FBXO34: variants seen among roughly 807,000 people sequenced by gnomAD.
FBXO34 encodes F-box protein 34.
Under a neutral mutation model 24.5 loss-of-function variants are expected in FBXO34, and 12 were observed. The ratio of observed to expected loss-of-function variants is 0.49; its 90% CI spans 0.31 to 0.79. The LOEUF (loss-of-function observed/expected upper bound fraction) is 0.79, where lower values mean the gene tolerates loss of function less well. FBXO34 is among the 30% of genes least tolerant of loss of function. The pLI, the probability that FBXO34 is intolerant of heterozygous loss-of-function variation, is 0.04. For missense variants in FBXO34, 823 were observed against 857.7 expected, an observed-to-expected ratio of 0.96 and a Z score of 0.51; for synonymous variants, 320 against 311.9, an observed-to-expected ratio of 1.03 and a Z score of -0.27.
intron 1 of FBXO34, chr14:55,298,779 G>T: frequency 6.3e-7 from 1 of 1,593,088 alleles, no homozygotes; most frequent in South Asian, 1.1e-5. Flanking sequence ...GCAGAGGCAC[G>T]GCACCAAAAA....
chr14:55,411,929 C>T, the FBXO34 span: 1 of 1,059,946 alleles, frequency 9.4e-7, no homozygotes, highest in Non-Finnish European at 1.3e-6. Context: ...CCGGCGAGCC[C>T]CCGGACCCCT....
intron 1 of FBXO34, among the ~76,000 whole-genome samples, chr14:55,344,240 G>T (rs1011664748): frequency 1.3e-5 from 2 of 152,016 alleles, no homozygotes; most frequent in Non-Finnish European, 2.9e-5. Context: ...CCTCACAGCA[G>T]GGTCACCAGG....
chr14:55,351,525 G>A lies in FBXO34; in HGVS notation c.1135G>A (p.Gly379Arg). 6.2e-7 allele frequency: 1 copy of A among 1,614,176 alleles called. No homozygotes were observed. Among genetic ancestry groups the A allele is most frequent in the Non-Finnish European group, 8.5e-7 (1 of 1,180,038 alleles). Residue 379 changes from glycine (G) to arginine (R), a missense_variant, in exon 2 of 2, where the codon GGA becomes AGA. Transcript: ENST00000313833. ...ASQDCPPLPA[G>R]VSFHIDSAEL... ...TCAGGACTGCCCCCCATTGCCAGCA[G>A]GAGTGAGTTTCCACATAGACAGTGC...
At chr14:55,330,029 C>T (rs1045201978) in intron 1 of FBXO34, among the ~76,000 whole-genome samples, 2 of 151,964 alleles carry the variant, frequency 1.3e-5, no homozygotes, top group African/African-American at 4.8e-5. Context: ...TAGATTTGTG[C>T]GTTTCTGTAA....
At chr14:55,364,374 T>TGA (rs1156933297), downstream of FBXO34, among the ~76,000 whole-genome samples, 1 of 152,234 alleles carries the variant, frequency 6.6e-6, no homozygotes, top group African/African-American at 2.4e-5. Flanking sequence ...AATAACTCTT[T>TGA]AGTTTACTAT....
At chr14:55,421,451 C>T in the FBXO34 span, among the ~76,000 whole-genome samples, 1 of 152,084 alleles carries the variant, frequency 6.6e-6, no homozygotes, top group South Asian at 2.1e-4. Context: ...TCCAAACAAG[C>T]TTTCCCCACT....
chr14:55,342,028 C>CTG (rs3085085), intron 1 of FBXO34, among the ~76,000 whole-genome samples: 58,569 of 151,924 alleles, frequency 0.39, 11,631 homozygotes, highest in Non-Finnish European at 0.42. Flanking sequence ...TACTGTCAAA[C>CTG]TATTAGGTGT....
At chr14:55,275,880 T>C (rs771239651) in intron 1 of FBXO34, among the ~76,000 whole-genome samples, 1 of 114,084 alleles carries the variant, frequency 8.8e-6, no homozygotes, top group Non-Finnish European at 2.1e-5. Context: ...GCCAGAGGTG[T>C]TAGTTAAAGG....
At chr14:55,274,616 G>A (rs1242413829) in intron 1 of FBXO34, among the ~76,000 whole-genome samples, 1 of 152,112 alleles carries the variant, frequency 6.6e-6, no homozygotes, top group Non-Finnish European at 1.5e-5. Flanking sequence ...AGATGAGAGT[G>A]CTGTATTGTA....
the FBXO34 span, among the ~76,000 whole-genome samples, chr14:55,389,176 A>G: frequency 6.6e-5 from 10 of 152,344 alleles, no homozygotes; most frequent in Middle Eastern, 6.8e-3. Flanking sequence ...GGAATGTGTT[A>G]AAAAGAGCTG....
chr14:55,435,603 A>G, the FBXO34 span, among the ~76,000 whole-genome samples: 1 of 152,184 alleles, frequency 6.6e-6, no homozygotes, highest in Non-Finnish European at 1.5e-5. Context: ...ATACTAAAAA[A>G]TATTTTTGAA....
At chr14:55,402,964 T>TATAA in the FBXO34 span, among the ~76,000 whole-genome samples, 84 of 59,732 alleles carry the variant, frequency 1.4e-3, no homozygotes, top group Non-Finnish European at 2.2e-3. Context: ...TATATATATA[T>TATAA]ATATAAATAG....
intron 1 of FBXO34, among the ~76,000 whole-genome samples, chr14:55,306,764 T>C (rs1297447123): frequency 6.6e-6 from 1 of 151,888 alleles, no homozygotes; most frequent in East Asian, 1.9e-4. Flanking sequence ...ACCTGGGAGG[T>C]GGAGGTTGCA....
At chr14:55,337,830 T>A (rs1473176594) in intron 1 of FBXO34, among the ~76,000 whole-genome samples, 1 of 152,136 alleles carries the variant, frequency 6.6e-6, no homozygotes, top group East Asian at 1.9e-4. Flanking sequence ...ATACTCCACT[T>A]ACCACTTGAA....
the FBXO34 span, among the ~76,000 whole-genome samples, chr14:55,386,320 G>A: frequency 6.6e-6 from 1 of 152,196 alleles, no homozygotes; most frequent in South Asian, 2.1e-4. Context: ...ATCTCTATTT[G>A]TAATCATCAC....
the FBXO34 span, chr14:55,437,100 C>T: frequency 2.4e-6 from 3 of 1,239,676 alleles, no homozygotes. Context: ...CTATGGCAGG[C>T]AGGCAGGCAA....
At chr14:55,334,744 A>G (rs951022656) in intron 1 of FBXO34, among the ~76,000 whole-genome samples, 17 of 152,166 alleles carry the variant, frequency 1.1e-4, no homozygotes, top group East Asian at 3.8e-4. Flanking sequence ...GCTTTCCCCA[A>G]AATCCTACCA....
chr14:55,430,312 A>G, the FBXO34 span, among the ~76,000 whole-genome samples: 5 of 150,708 alleles, frequency 3.3e-5, no homozygotes, highest in Admixed American at 1.3e-4. Context: ...TCTTATCCAG[A>G]TCCTTCACCA....
At chr14:55,275,717 G>A (rs1431007072) in intron 1 of FBXO34, among the ~76,000 whole-genome samples, 1 of 151,146 alleles carries the variant, frequency 6.6e-6, no homozygotes, top group Non-Finnish European at 1.5e-5. Flanking sequence ...CCAGCTACTT[G>A]GGAGGCTGAG....
Sources: allele counts gnomAD v4.1 joint callset (sites outside exome capture counted in the v4.1 genomes callset), GRCh38; gene constraint gnomAD v4.1.1; transcripts MANE v1.5; gene names NCBI Gene and HGNC (gene_info 2026-07-23, HGNC 2026-07-21).